CCDC3: variants seen among roughly 807,000 people sequenced by gnomAD.
CCDC3 encodes the protein coiled-coil domain-containing protein 3.
Under a neutral mutation model 21.4 loss-of-function variants are expected in CCDC3, and 24 were observed. The ratio of observed to expected loss-of-function variants is 1.12; its 90% confidence interval spans 0.81 to 1.58. The LOEUF (loss-of-function observed/expected upper bound fraction) is 1.58, where lower values mean the gene tolerates loss of function less well. Ranked by LOEUF, CCDC3 falls within the 40% of genes most tolerant of loss-of-function variation. The probability of loss-of-function intolerance (pLI) is 0.00; values close to 1 mark genes in which losing one functional copy is unlikely to be tolerated. For synonymous variants in CCDC3, 186 were observed against 166.0 expected, an observed-to-expected ratio of 1.12 and a Z score of -0.93; for missense variants, 425 against 360.9, an observed-to-expected ratio of 1.18 and a Z score of -1.44.
chr10:12,925,797 C>T (rs1311894147), intron 2 of CCDC3, among the ~76,000 whole-genome samples: 1 of 152,262 alleles, frequency 6.6e-6, no homozygotes, highest in Non-Finnish European at 1.5e-5. Flanking sequence ...AACTCCACAT[C>T]TCATGAAATT....
intron 5 of CCDC3, among the ~76,000 whole-genome samples, chr10:13,045,618 A>AAAAC (rs767146315): frequency 1.3e-5 from 2 of 151,888 alleles, no homozygotes; most frequent in African/African-American, 4.8e-5. Context: ...ACTCTGCCTC[A>AAAAC]AAACAAACAA....
chr10:13,060,861 A>C (rs1001528820), intron 4 of CCDC3, among the ~76,000 whole-genome samples: 2 of 152,152 alleles, frequency 1.3e-5, no homozygotes, highest in African/African-American at 4.8e-5. Flanking sequence ...TGACAATAAA[A>C]ATATCATTTG....
chr10:13,039,112 TC>T (rs1030771050), intron 5 of CCDC3, among the ~76,000 whole-genome samples: 1 of 152,158 alleles, frequency 6.6e-6, no homozygotes, highest in African/African-American at 2.4e-5. Context: ...CATCTATCCA[TC>T]CCTCTTCTAG....
At chr10:13,000,203 AT>A (rs1292535200) in intron 1 of CCDC3, among the ~76,000 whole-genome samples, 1 of 152,188 alleles carries the variant, frequency 6.6e-6, no homozygotes, top group African/African-American at 2.4e-5. Context: ...CAGTGGATTA[AT>A]TTACTATCTT....
intron 2 of CCDC3, among the ~76,000 whole-genome samples, chr10:12,901,782 G>A (rs907634148): frequency 2.6e-5 from 4 of 152,132 alleles, no homozygotes; most frequent in South Asian, 2.1e-4. Flanking sequence ...GATTGGACCC[G>A]GCCAACATCT....
At chr10:13,074,154 T>TATATATATATATATATATATA (rs1491463766) in intron 3 of CCDC3, 1 of 39,950 alleles carries the variant, frequency 2.5e-5, no homozygotes, top group African/African-American at 1.2e-4. Context: ...TATATATATA[T>TATATATATATATATATATATA]TTTTTTTTTT....
At chr10:13,030,341 A>G (rs1368819905) in intron 5 of CCDC3, among the ~76,000 whole-genome samples, 4 of 152,252 alleles carry the variant, frequency 2.6e-5, no homozygotes, top group East Asian at 1.9e-4. Context: ...CCTGAAGGAA[A>G]CACTAAACAT....
At chr10:12,951,750 A>G (rs1319207736) in intron 2 of CCDC3, among the ~76,000 whole-genome samples, 1 of 141,706 alleles carries the variant, frequency 7.1e-6, no homozygotes, top group Non-Finnish European at 1.5e-5. Flanking sequence ...GGTTGCAGTA[A>G]GCTGAGACTG....
chr10:12,944,142 A>G (rs763851222), intron 2 of CCDC3, among the ~76,000 whole-genome samples: 19 of 152,160 alleles, frequency 1.2e-4, no homozygotes, highest in African/African-American at 2.4e-4. Context: ...TTTTACCCCA[A>G]AATATATTTC....
intron 2 of CCDC3, among the ~76,000 whole-genome samples, chr10:12,918,440 C>A (rs1040433971): frequency 6.6e-6 from 1 of 152,200 alleles, no homozygotes. Flanking sequence ...TGATCAGTTT[C>A]TATGCCCATT....
intron 4 of CCDC3, among the ~76,000 whole-genome samples, chr10:13,057,746 G>A (rs1254162305): frequency 6.6e-6 from 1 of 152,080 alleles, no homozygotes; most frequent in Non-Finnish European, 1.5e-5. Flanking sequence ...GGGCGTGGTG[G>A]TGGGTGCCTG....
intron 2 of CCDC3, among the ~76,000 whole-genome samples, chr10:12,928,930 C>G (rs1290819006): frequency 1.3e-5 from 2 of 152,092 alleles, no homozygotes; most frequent in East Asian, 3.9e-4. Flanking sequence ...TTGACTTCAC[C>G]TGGAGGTAAG....
chr10:12,939,503 G>GT (rs1284449950), intron 2 of CCDC3, among the ~76,000 whole-genome samples: 3 of 152,134 alleles, frequency 2.0e-5, no homozygotes, highest in African/African-American at 7.2e-5. Flanking sequence ...TGCACCTGTA[G>GT]TCCCAGCTAC....
At chr10:13,031,065 C>G (rs1166504680) in intron 5 of CCDC3, among the ~76,000 whole-genome samples, 2 of 152,332 alleles carry the variant, frequency 1.3e-5, no homozygotes, top group Non-Finnish European at 2.9e-5. Flanking sequence ...CCACATCACA[C>G]TTATTCCAAA....
intron 5 of CCDC3, among the ~76,000 whole-genome samples, chr10:13,031,478 C>A (rs1231512357): frequency 6.6e-6 from 1 of 151,786 alleles, no homozygotes; most frequent in East Asian, 1.9e-4. Flanking sequence ...TAGCAGTAGG[C>A]AAGAAATAAC....
At chr10:12,993,617 G>C (rs952505365) in intron 2 of CCDC3, among the ~76,000 whole-genome samples, 1 of 152,176 alleles carries the variant, frequency 6.6e-6, no homozygotes, top group African/African-American at 2.4e-5. Context: ...AGAGAGAAAT[G>C]AGGAAGGAAA....
intron 2 of CCDC3, among the ~76,000 whole-genome samples, chr10:12,910,396 A>G (rs1834249775): frequency 6.6e-6 from 1 of 152,186 alleles, no homozygotes; most frequent in Non-Finnish European, 1.5e-5. Context: ...ACATATTGCC[A>G]GACTCAGTCC....
chr10:12,915,871 T>G (rs1350633873), intron 2 of CCDC3, among the ~76,000 whole-genome samples: 1 of 151,238 alleles, frequency 6.6e-6, no homozygotes, highest in Admixed American at 6.6e-5. Context: ...CCTGAGTCCA[T>G]GAAGGCAACC....
At chr10:12,913,778 T>C (rs1209418331) in intron 2 of CCDC3, among the ~76,000 whole-genome samples, 1 of 152,130 alleles carries the variant, frequency 6.6e-6, no homozygotes. Context: ...TTGTTGAAAG[T>C]TTTTTTATCA....
Sources: gnomAD v4.1 joint callset for allele counts (sites outside exome capture counted in the v4.1 genomes callset) on GRCh38, gnomAD v4.1.1 for gene constraint, MANE v1.5 for transcripts, NCBI Gene and HGNC (gene_info 2026-07-23, HGNC 2026-07-21) for gene names.